Variants in TTC12 observed in about 807,000 individuals in gnomAD.
TTC12 encodes the protein tetratricopeptide repeat domain 12, also known as tetratricopeptide repeat protein 12.
In TTC12, 70 loss-of-function variants were observed where a neutral mutation model predicts 90.1. The observed-to-expected ratio is 0.78, with a 90% CI of 0.64 to 0.95. The LOEUF (loss-of-function observed/expected upper bound fraction) is 0.95. Ranked by LOEUF, TTC12 falls within the 40% of genes least tolerant of loss-of-function variation. The pLI is 0.00. For synonymous variants in TTC12, 296 were observed against 311.5 expected (o/e 0.95, Z 0.53); for missense variants, 819 against 846.1 (o/e 0.97, Z 0.40).
chr11:113,352,358 A>G, intron 16 of TTC12, 151 bp downstream of exon 16: 2 of 888,900 alleles, frequency 2.2e-6, no homozygotes, highest in Non-Finnish European at 3.4e-6. Context: ...GATTTTATGC[A>G]CTGCTGGCCT....
At position 113,324,324 on chromosome 11, in the gene TTC12, C is replaced by CA. The variant is rs561409631; in HGVS notation, c.245-274dup. 2.1e-4 allele frequency: 112 copies of CA among 533,302 alleles called. 1 individual carries two copies. The highest frequency in any genetic ancestry group is 1.8e-3 in the African/African-American group (91 of 51,098). The allele number at this position is 533,302 out of a possible 1,614,324, so 33.0% of individuals were successfully genotyped here. A position where few individuals can be genotyped will look rare whatever the true frequency, so the allele number is the denominator to read the frequency against. On this transcript the variant is annotated intron_variant, in intron 4 of 21. Transcript: ENST00000529221. ...CAGAAGCTCATTATGCTAAACGGAA[C>CA]AAAAAAATCTCTCTTCAAAGAAAAA...
In TTC12 at chr11:113,336,978, A is replaced by T. The variant is rs1948405287; in HGVS notation, c.577-1796A>T. Reference sequence around the variant, plus strand: ...ACAATATTAAGTCCTCCTATCCATGAACATAGGATGTCTTCCCATTTATAA... The same window carrying T: ...ACAATATTAAGTCCTCCTATCCATGTACATAGGATGTCTTCCCATTTATAA... On this transcript the variant is annotated intron_variant, in intron 8 of 21. Coordinates refer to ENST00000529221, the MANE Select transcript of TTC12 (RefSeq NM_017868.4). Among the ~76,000 whole-genome samples the T allele has an allele frequency of 3.3e-5, 5 of 152,228 alleles. No homozygotes were observed. The South Asian group carries it at 1.0e-3, about 31-fold the overall frequency.
intron 2 of TTC12, 104 bp downstream of exon 2, chr11:113,316,419 G>GA: frequency 2.0e-6 from 1 of 495,598 alleles, no homozygotes; most frequent in South Asian, 7.6e-5. Flanking sequence ...TAACTCTTAG[G>GA]AAAAAAATGT....
downstream of TTC12, among the ~76,000 whole-genome samples, chr11:113,366,993 C>G (rs908679756): frequency 6.6e-6 from 1 of 152,230 alleles, no homozygotes; most frequent in Non-Finnish European, 1.5e-5. Flanking sequence ...GCTTCTCTTT[C>G]TACAGTGAAC....
At position 113,323,329 on chromosome 11, in the gene TTC12, C is replaced by T; in HGVS notation, c.100C>T (p.Gln34Ter). 1 of 1,607,504 alleles carries T rather than the reference C, an allele frequency of 6.2e-7. No homozygotes were observed. The highest frequency in any genetic ancestry group is 8.5e-7 in the Non-Finnish European group (1 of 1,178,144). Reference sequence around the variant, plus strand: ...GATGAATTCTGATGACCCAGTTGTGCAACAGAAAGCTGTCCTGGAGACAGA... The same window carrying T: ...GATGAATTCTGATGACCCAGTTGTGTAACAGAAAGCTGTCCTGGAGACAGA... ...QEMNSDDPVV[Q>*]QKAVLETEKR... The change falls in exon 3 of 22, where the codon CAA (glutamine) becomes TAA (stop). Residue 34 changes from glutamine (Q) to a stop codon, truncating the protein, a stop_gained. Transcript: ENST00000529221. LOFTEE classifies it high-confidence loss of function.
chr11:113,360,659 G>A (rs1047271479), intron 18 of TTC12, among the ~76,000 whole-genome samples: 9 of 152,272 alleles, frequency 5.9e-5, no homozygotes, highest in Non-Finnish European at 8.8e-5. Context: ...GTGATCACCC[G>A]TTTTTCTCCC....
intron 8 of TTC12, among the ~76,000 whole-genome samples, chr11:113,337,883 A>G (rs1243860324): frequency 6.6e-6 from 1 of 152,130 alleles, no homozygotes; most frequent in Non-Finnish European, 1.5e-5. Flanking sequence ...AGTGAAGCCA[A>G]CAAAAATTGT....
At chr11:113,316,096 A>C (rs1026778204) in intron 1 of TTC12, 147 bp from the exon 2 acceptor site, 5 of 409,348 alleles carry the variant, frequency 1.2e-5, no homozygotes, top group Non-Finnish European at 2.2e-5. Flanking sequence ...TTGGAATGAA[A>C]GGGATCACCC....
intron 2 of TTC12, among the ~76,000 whole-genome samples, chr11:113,316,558 T>C (rs182667220): frequency 2.6e-5 from 4 of 152,378 alleles, no homozygotes; most frequent in Admixed American, 2.6e-4. Context: ...TTTTCTTCCA[T>C]ATTTTGTATC....
At chr11:113,353,964 C>G (rs1436848497) in intron 16 of TTC12, among the ~76,000 whole-genome samples, 1 of 151,964 alleles carries the variant, frequency 6.6e-6, no homozygotes, top group Non-Finnish European at 1.5e-5. Flanking sequence ...TGGTTCCATA[C>G]GAATTTTAAA....
chr11:113,362,648 C>A, intron 19 of TTC12, 146 bp downstream of exon 19: 1 of 622,308 alleles, frequency 1.6e-6, no homozygotes, highest in Middle Eastern at 4.3e-4. Flanking sequence ...TAGGGATTTG[C>A]TTCTGCCTGT....
At chr11:113,340,597 G>T (rs1427020707) in intron 10 of TTC12, 67 bp from the exon 11 acceptor site, 1 of 1,178,724 alleles carries the variant, frequency 8.5e-7, no homozygotes, top group Non-Finnish European at 1.3e-6. Context: ...GCAGGTGGCT[G>T]TGTTGCAGCG....
Position 113,320,742 on chromosome 11 carries a change from A to G in TTC12, c.59-2546A>G, listed in dbSNP as rs369720670. Among the ~76,000 whole-genome samples, 27 of 152,312 alleles carry G rather than the reference A, an allele frequency of 1.8e-4. No individual in the cohort carries two copies. The East Asian group carries it at 2.5e-3, about 14-fold the overall frequency. On this transcript the variant is annotated intron_variant, in intron 2 of 21. Coordinates refer to ENST00000529221, the MANE Select transcript of TTC12 (RefSeq NM_017868.4). ...GGCAGGGCTAAAAGGACACGCTGTA[A>G]CACGTGCCCAACTGGGCTCCTGCAC...
chr11:113,341,010 AC>A (rs1160818201), intron 11 of TTC12, among the ~76,000 whole-genome samples: 49 of 152,302 alleles, frequency 3.2e-4, no homozygotes, highest in African/African-American at 1.2e-3. Context: ...CGGGCGGATC[AC>A]TTGAGGTCAG....
intron 13 of TTC12, among the ~76,000 whole-genome samples, chr11:113,349,692 G>A (rs1423868986): frequency 2.6e-5 from 4 of 152,244 alleles, no homozygotes; most frequent in Non-Finnish European, 5.9e-5. Context: ...CACCTTATTA[G>A]GGGGCCCTCC....
At chr11:113,325,816 A>C in intron 6 of TTC12, 171 bp downstream of exon 6, 1 of 770,164 alleles carries the variant, frequency 1.3e-6, no homozygotes, top group East Asian at 2.7e-5. Context: ...AGTTTCCATG[A>C]TGCAAATATT....
At chr11:113,360,317 T>C (rs1949851540) in intron 18 of TTC12, among the ~76,000 whole-genome samples, 2 of 151,996 alleles carry the variant, frequency 1.3e-5, no homozygotes, top group Non-Finnish European at 2.9e-5. Context: ...GCTTAGATGA[T>C]ATAATCGATC....
Position 113,372,082 on chromosome 11 carries a change from G to T in TTC12, c.*121-1042G>T, listed in dbSNP as rs371432657. 8.5e-4 allele frequency among the ~76,000 whole-genome samples: 130 copies of T among 152,284 alleles called. 3 individuals are homozygous for T. The South Asian group carries it at 0.027, about 31-fold the overall frequency. The stretch of plus-strand genomic sequence containing the variant: ...GGTTTCTATGTGACTCTACCCTAAA[G>T]GTGGGGGATAAAGAAGTAGGCCTCC... On this transcript the variant is annotated intron_variant, in intron 21 of 21. Coordinates refer to the TTC12 transcript ENST00000314756.
At chr11:113,366,134 C>G (rs909363763) in intron 21 of TTC12, 91 bp from the exon 22 acceptor site, 1 of 1,396,888 alleles carries the variant, frequency 7.2e-7, no homozygotes, top group Non-Finnish European at 1.0e-6. Flanking sequence ...ACGTTCTCAG[C>G]CAGCTTCCAT....
Sources: gnomAD v4.1 joint callset for allele counts (sites outside exome capture counted in the v4.1 genomes callset) on GRCh38, gnomAD v4.1.1 for gene constraint, MANE v1.5 for transcripts, NCBI Gene and HGNC (gene_info 2026-07-23, HGNC 2026-07-21) for gene names.